Variants in ADCY9 observed in about 807,000 individuals in gnomAD.
ADCY9 encodes adenylate cyclase type 9.
Under a neutral mutation model 101.5 loss-of-function variants are expected in ADCY9, and 50 were observed. That is an observed-to-expected ratio of 0.49 (90% CI 0.39 to 0.62). ADCY9 has a LOEUF of 0.62. Ranked by LOEUF, ADCY9 falls within the 20% of genes least tolerant of loss-of-function variation. The pLI is 0.00. For missense variants in ADCY9, 1,662 were observed against 1,800.4 expected, an observed-to-expected ratio of 0.92 and a Z score of 1.39; for synonymous variants, 905 against 769.3, an observed-to-expected ratio of 1.18 and a Z score of -2.92.
At chr16:4,102,062 G>C (rs767964197) in intron 2 of ADCY9, among the ~76,000 whole-genome samples, 1 of 152,166 alleles carries the variant, frequency 6.6e-6, no homozygotes, top group Non-Finnish European at 1.5e-5. Flanking sequence ...AACGACACAA[G>C]ATGTGCGCCA....
At chr16:4,012,188 A>G (rs2056408890) in intron 2 of ADCY9, among the ~76,000 whole-genome samples, 1 of 152,250 alleles carries the variant, frequency 6.6e-6, no homozygotes, top group Non-Finnish European at 1.5e-5. Context: ...CACAACGAGC[A>G]AAATCGGGAA....
In ADCY9 at chr16:4,076,197, C is replaced by T. The variant is rs1354795848; in HGVS notation, c.1693+37553G>A. Among the ~76,000 whole-genome samples the T allele has an allele frequency of 2.0e-5, 3 of 152,126 alleles. No homozygotes were observed. The East Asian group carries it at 5.8e-4, about 29-fold the overall frequency. On this transcript the variant is annotated intron_variant, in intron 2 of 10. Coordinates refer to ENST00000294016, the MANE Select transcript of ADCY9 (RefSeq NM_001116.4). ...TGCAGCCTGTGCAACACAGCAAGAC[C>T]CCCGTCTTACAAAACAAAAATGCAA...
At chr16:3,988,859 G>C (rs530778432) in intron 6 of ADCY9, 135 bp downstream of exon 6, 7 of 723,704 alleles carry the variant, frequency 9.7e-6, no homozygotes, top group African/African-American at 1.7e-5. Context: ...TGCCACTTAG[G>C]GTTTACAGAG....
At chr16:4,110,847 A>G (rs1223969527) in intron 2 of ADCY9, among the ~76,000 whole-genome samples, 1 of 152,222 alleles carries the variant, frequency 6.6e-6, no homozygotes, top group Non-Finnish European at 1.5e-5. Flanking sequence ...AACAAGGCAC[A>G]CTGGTGGGCG....
intron 10 of ADCY9, 66 bp from the exon 11 acceptor site, chr16:3,967,032 C>T (rs946558906): frequency 5.2e-5 from 69 of 1,332,652 alleles, no homozygotes; most frequent in Non-Finnish European, 5.6e-5. Flanking sequence ...AGAACAGCCC[C>T]GCTAGCTACG....
chr16:3,956,480 G>A (rs186577458), intron 5 of ADCY9, among the ~76,000 whole-genome samples: 7 of 39,866 alleles, frequency 1.8e-4, no homozygotes, highest in Non-Finnish European at 2.2e-4. Flanking sequence ...AGACACCAGC[G>A]CAATGAGCTT....
intron 2 of ADCY9, among the ~76,000 whole-genome samples, chr16:4,018,731 G>C (rs2056454890): frequency 6.6e-6 from 1 of 152,130 alleles, no homozygotes; most frequent in African/African-American, 2.4e-5. Flanking sequence ...TTTGCACACT[G>C]GCTGGGGCAG....
At chr16:4,001,383 C>G (rs552742343) in intron 3 of ADCY9, among the ~76,000 whole-genome samples, 1 of 152,176 alleles carries the variant, frequency 6.6e-6, no homozygotes, top group African/African-American at 2.4e-5. Flanking sequence ...TCAGAGCAGA[C>G]TGAGGTTTGG....
rs1335960563 is a variant in ADCY9 at position 4,114,873 on chromosome 16, C to A, written c.570G>T (p.Ala190=). The A allele has an allele frequency of 1.2e-6, 2 of 1,613,610 alleles. No individual in the cohort carries two copies. The highest frequency in any genetic ancestry group is 1.3e-5 in the African/African-American group (1 of 74,956). ...TLLVFALTLA[A]QFQVLTPVSG... ...AGACAGGCGTCAAGACCTGGAACTG[C>A]GCAGCCAGGGTCAGGGCGAACACCA... is the stretch of plus-strand genomic sequence containing the variant. Residue 190 remains alanine, a synonymous_variant, in exon 2 of 11, where the codon GCG becomes GCT. Transcript: ENST00000294016. The surrounding 1 kb of genome is among the most constrained non-coding windows in gnomAD (Gnocchi z 4.3).
chr16:4,041,831 A>C (rs994699762), intron 2 of ADCY9, among the ~76,000 whole-genome samples: 5 of 150,568 alleles, frequency 3.3e-5, no homozygotes, highest in African/African-American at 9.8e-5. Flanking sequence ...AGCTCACTAA[A>C]GCCTCGATCA....
intron 10 of ADCY9, among the ~76,000 whole-genome samples, chr16:3,971,768 G>T (rs1486775961): frequency 3.3e-5 from 5 of 152,002 alleles, no homozygotes; most frequent in Non-Finnish European, 5.9e-5. Context: ...TGTCACCAAG[G>T]TCTAACATCC....
chr16:3,955,819 G>C (rs796842001), intron 5 of ADCY9, among the ~76,000 whole-genome samples: 13 of 151,846 alleles, frequency 8.6e-5, no homozygotes, highest in African/African-American at 3.1e-4. Context: ...AAAGTGCTGG[G>C]ATTACAGGGG....
chr16:4,108,215 G>A (rs565461211), intron 2 of ADCY9, among the ~76,000 whole-genome samples: 8 of 152,174 alleles, frequency 5.3e-5, no homozygotes, highest in African/African-American at 1.4e-4. Flanking sequence ...TCTATGACAG[G>A]AAAAGCCAAC....
intron 2 of ADCY9, among the ~76,000 whole-genome samples, chr16:4,092,493 G>A (rs1250394151): frequency 6.6e-6 from 1 of 152,092 alleles, no homozygotes; most frequent in Non-Finnish European, 1.5e-5. Context: ...TTATAGAATT[G>A]TTCATTAATT....
intron 2 of ADCY9, among the ~76,000 whole-genome samples, chr16:4,014,501 G>T (rs150396410): frequency 6.6e-6 from 1 of 151,088 alleles, no homozygotes; most frequent in Non-Finnish European, 1.5e-5. Flanking sequence ...AGGCTGGAGC[G>T]TAGTGGCGCG....
At chr16:4,061,926 T>C (rs963483958) in intron 2 of ADCY9, among the ~76,000 whole-genome samples, 1 of 152,256 alleles carries the variant, frequency 6.6e-6, no homozygotes, top group African/African-American at 2.4e-5. Flanking sequence ...AAAGATATCA[T>C]ATACATGACA....
chr16:3,995,484 C>T (rs1195227320), intron 3 of ADCY9, among the ~76,000 whole-genome samples: 5 of 152,012 alleles, frequency 3.3e-5, no homozygotes, highest in Admixed American at 1.3e-4. Flanking sequence ...CAGTTCCTGG[C>T]ATACAGTATA....
downstream of ADCY9, among the ~76,000 whole-genome samples, chr16:3,958,057 C>G (rs2055917077): frequency 6.6e-6 from 1 of 152,084 alleles, no homozygotes; most frequent in African/African-American, 2.4e-5. Flanking sequence ...TGTGCCAGGG[C>G]TGGGGGGGAT....
At chr16:4,026,059 G>C (rs567646358) in intron 2 of ADCY9, among the ~76,000 whole-genome samples, 1 of 152,302 alleles carries the variant, frequency 6.6e-6, no homozygotes, top group South Asian at 2.1e-4. Flanking sequence ...GGTGAATATA[G>C]AAATGAATGA....
Sources: allele counts gnomAD v4.1 joint callset (sites outside exome capture counted in the v4.1 genomes callset), GRCh38; gene constraint gnomAD v4.1.1; non-coding constraint Gnocchi (gnomAD v3.1); transcripts MANE v1.5; gene names NCBI Gene and HGNC (gene_info 2026-07-23, HGNC 2026-07-21).